FOXJ3: variants seen among roughly 807,000 people sequenced by gnomAD.
The protein encoded by FOXJ3 is forkhead box protein J3.
In FOXJ3, 22 loss-of-function variants were observed where a neutral mutation model predicts 76.1. The observed-to-expected ratio is 0.29, with a 90% CI of 0.21 to 0.41. The LOEUF is 0.41. Ranked by LOEUF, FOXJ3 falls within the 10% of genes least tolerant of loss-of-function variation. FOXJ3 has a pLI of 1.00. For synonymous variants in FOXJ3, 269 were observed against 261.2 expected (o/e 1.03, Z -0.29); for missense variants, 613 against 762.1 (o/e 0.80, Z 2.30).
In FOXJ3 at chr1:42,303,811, A is replaced by G. The variant is rs1437109264; in HGVS notation, c.44+7239T>C. Among the ~76,000 whole-genome samples the G allele has an allele frequency of 2.0e-5, 3 of 152,174 alleles. No individual in the cohort carries two copies. The East Asian group carries it at 5.8e-4, about 29-fold the overall frequency. On this transcript the variant is annotated intron_variant, in intron 2 of 12. Coordinates refer to ENST00000361346, the MANE Select transcript of FOXJ3 (RefSeq NM_014947.5). Reference sequence around the variant, plus strand: ...GTGAGAACCATAAAATAAACCCTCTAATAAATGTTAGGTAATTCAGAAATG... The same window carrying G: ...GTGAGAACCATAAAATAAACCCTCTGATAAATGTTAGGTAATTCAGAAATG...
At chr1:42,218,875 T>C (rs1443789366) in intron 5 of FOXJ3, among the ~76,000 whole-genome samples, 1 of 152,230 alleles carries the variant, frequency 6.6e-6, no homozygotes, top group Non-Finnish European at 1.5e-5. Flanking sequence ...AGCCTCCTTG[T>C]TGTTTCTCAC....
intron 9 of FOXJ3, among the ~76,000 whole-genome samples, chr1:42,189,978 A>C (rs762503530): frequency 1.3e-5 from 2 of 152,202 alleles, no homozygotes; most frequent in African/African-American, 2.4e-5. Flanking sequence ...TAGGAGAAAA[A>C]AATTTAACAT....
rs767220212 is a variant in FOXJ3 at position 42,205,796 on chromosome 1, G to C, written c.596C>G (p.Ser199Cys). ...CACAGTGTTGATTGCCAGAGTTGGA[G>C]AGGCACTTCCCGAAATAATACACTC... The part of the protein sequence containing the change: ...GMECIISGSA[S>C]PTLAINTVTN... Residue 199 changes from serine (S) to cysteine (C), a missense_variant, in exon 6 of 13, where the codon TCT becomes TGT. This residue lies in a region of FOXJ3 where 526 missense variants were observed against 601.4 expected (regional missense o/e 0.87). Transcript: ENST00000361346. 6 of 1,610,670 alleles carry C rather than the reference G, an allele frequency of 3.7e-6. No individual in the cohort carries two copies. The African/African-American group carries it at 8.0e-5, about 22-fold the overall frequency.
chr1:42,318,749 C>T (rs1655265225), intron 1 of FOXJ3, among the ~76,000 whole-genome samples: 1 of 152,188 alleles, frequency 6.6e-6, no homozygotes, highest in Non-Finnish European at 1.5e-5. Flanking sequence ...GAAATTCAAA[C>T]TTTCATGCAT....
chr1:42,306,288 G>A (rs956130099), intron 2 of FOXJ3, among the ~76,000 whole-genome samples: 3 of 136,508 alleles, frequency 2.2e-5, no homozygotes, highest in African/African-American at 8.3e-5. Flanking sequence ...ATCACTCTCT[G>A]AACTTTTTTC....
At position 42,224,607 on chromosome 1, in the gene FOXJ3, T is replaced by C. The variant is rs185095164; in HGVS notation, c.528+3276A>G. Reference sequence around the variant, plus strand: ...AGGCAGAGGTTGCAGTGAGCCAAGATTGCACCACTGCACTCCAGCCTGGGT... The same window carrying C: ...AGGCAGAGGTTGCAGTGAGCCAAGACTGCACCACTGCACTCCAGCCTGGGT... On this transcript the variant is annotated intron_variant, in intron 5 of 12. Coordinates refer to ENST00000361346, the MANE Select transcript of FOXJ3 (RefSeq NM_014947.5). Among the ~76,000 whole-genome samples, 488 of 151,708 alleles carry C rather than the reference T, an allele frequency of 3.2e-3. 2 individuals carry two copies. Among genetic ancestry groups the C allele is most frequent in the African/African-American group, 0.012 (476 of 41,356 alleles).
intron 4 of FOXJ3, among the ~76,000 whole-genome samples, chr1:42,263,243 T>C (rs1056258041): frequency 3.3e-5 from 5 of 152,176 alleles, no homozygotes; most frequent in African/African-American, 1.2e-4. Flanking sequence ...GAGTCTCCAA[T>C]TGGTTAAAAT....
chr1:42,254,722 C>G (rs1221452095), intron 4 of FOXJ3, among the ~76,000 whole-genome samples: 5 of 147,562 alleles, frequency 3.4e-5, no homozygotes, highest in Non-Finnish European at 1.5e-5. Context: ...GGACAAAAAA[C>G]CAAACACCGC....
intron 4 of FOXJ3, among the ~76,000 whole-genome samples, chr1:42,264,116 CAAAA>C (rs1013867012): frequency 3.3e-5 from 5 of 151,222 alleles, no homozygotes; most frequent in Non-Finnish European, 5.9e-5. Flanking sequence ...TATGGGGAAA[CAAAA>C]AAGCCTCAGA....
intron 1 of FOXJ3, among the ~76,000 whole-genome samples, chr1:42,314,236 T>C (rs1037170105): frequency 3.3e-5 from 5 of 152,042 alleles, no homozygotes; most frequent in Admixed American, 3.3e-4. Flanking sequence ...AAGAACTGAG[T>C]ACCAGGGACT....
rs199676814 is a variant in FOXJ3 at position 42,244,698 on chromosome 1, AAAG to A, written c.445-16735_445-16733del. 7.2e-5 allele frequency among the ~76,000 whole-genome samples: 11 copies of A among 152,340 alleles called. No individual in the cohort carries two copies. In the East Asian group the frequency reaches 7.7e-4, roughly 11 times the overall value. On this transcript the variant is annotated intron_variant, in intron 4 of 12. Coordinates refer to ENST00000361346, the MANE Select transcript of FOXJ3 (RefSeq NM_014947.5). The stretch of plus-strand genomic sequence containing the variant: ...GACCCAAATAAAATCAGAAACAAAA[AAAG>A]AAGATGTAACAACTGACATCACAGA...
intron 1 of FOXJ3, among the ~76,000 whole-genome samples, chr1:42,318,112 G>A (rs1290588172): frequency 2.0e-5 from 3 of 152,114 alleles, no homozygotes; most frequent in African/African-American, 7.2e-5. Flanking sequence ...ACTTAATACA[G>A]TCTTTTGTAT....
intron 2 of FOXJ3, among the ~76,000 whole-genome samples, chr1:42,294,841 G>C (rs919085141): frequency 6.0e-5 from 9 of 150,828 alleles, no homozygotes; most frequent in African/African-American, 2.2e-4. Flanking sequence ...GTTGCCTGTA[G>C]AAATGAAGAA....
chr1:42,325,677 TTAAG>T (rs1379227813), intron 1 of FOXJ3, among the ~76,000 whole-genome samples: 2 of 152,250 alleles, frequency 1.3e-5, no homozygotes, highest in African/African-American at 4.8e-5. Context: ...AAGTAGATCC[TTAAG>T]TTAGTTTTCA....
chr1:42,230,601 G>A (rs1053694510), intron 4 of FOXJ3, among the ~76,000 whole-genome samples: 1 of 152,142 alleles, frequency 6.6e-6, no homozygotes, highest in African/African-American at 2.4e-5. Flanking sequence ...TCCATCATAT[G>A]AGGTCAGGCA....
At chr1:42,264,710 C>T (rs1651335982) in intron 4 of FOXJ3, among the ~76,000 whole-genome samples, 1 of 152,076 alleles carries the variant, frequency 6.6e-6, no homozygotes. Context: ...GTACAGAATA[C>T]TCTTCTTGAT....
Position 42,324,211 on chromosome 1 carries a change from A to ATATATAG in FOXJ3, c.-18+10847_-18+10848insCTATATA, listed in dbSNP as rs1188794425. ...GGAATATATATACTATATATATACTATATATATAAATTCTAGGAATATATA... is the reference window on the plus strand; with the variant it reads ...GGAATATATATACTATATATATACTATATATAGTATATATAAATTCTAGGAATATATA... On this transcript the variant is annotated intron_variant, in intron 1 of 12. Transcript: ENST00000361346. 1.8e-3 allele frequency among the ~76,000 whole-genome samples: 253 copies of ATATATAG among 139,834 alleles called. 1 individual carries two copies. Among genetic ancestry groups the ATATATAG allele is most frequent in the African/African-American group, 6.1e-3 (234 of 38,156 alleles). The allele number at this position is 139,834 out of a possible 152,430, so 91.7% of individuals were successfully genotyped here.
chr1:42,264,620 C>CAA (rs1331612928), intron 4 of FOXJ3, among the ~76,000 whole-genome samples: 3 of 151,330 alleles, frequency 2.0e-5, no homozygotes, highest in African/African-American at 7.3e-5. Flanking sequence ...ATTAAAACAA[C>CAA]AAAAAAAGGG....
intron 4 of FOXJ3, among the ~76,000 whole-genome samples, chr1:42,229,175 T>C (rs1647851459): frequency 1.3e-5 from 2 of 152,218 alleles, no homozygotes; most frequent in Non-Finnish European, 2.9e-5. Context: ...AATCCTTTTC[T>C]GACCGTCCTG....
Sources: allele counts gnomAD v4.1 joint callset (sites outside exome capture counted in the v4.1 genomes callset), GRCh38; gene constraint gnomAD v4.1.1; regional missense constraint gnomAD v4.1.1; transcripts MANE v1.5; gene names NCBI Gene and HGNC (gene_info 2026-07-23, HGNC 2026-07-21).